The following NXPH2 variants were observed in gnomAD, a reference collection of about 807,000 sequenced individuals.
The protein encoded by NXPH2 is neurexophilin 2.
In NXPH2, 5 loss-of-function variants were observed where a neutral mutation model predicts 19.8. The observed-to-expected ratio is 0.25, with a 90% CI of 0.13 to 0.53. The LOEUF (loss-of-function observed/expected upper bound fraction) is 0.53, where lower values mean the gene tolerates loss of function less well. Ranked by LOEUF, NXPH2 falls within the 20% of genes least tolerant of loss-of-function variation. The pLI is 0.96. For missense variants in NXPH2, 289 were observed against 322.8 expected (o/e 0.90, Z 0.80); for synonymous variants, 154 against 127.4 (o/e 1.21, Z -1.41).
At chr2:138,727,819 G>A (rs1343476936) in intron 1 of NXPH2, among the ~76,000 whole-genome samples, 1 of 152,050 alleles carries the variant, frequency 6.6e-6, no homozygotes, top group Non-Finnish European at 1.5e-5. Flanking sequence ...ATAAATATGA[G>A]CCCACTTTAT....
Position 138,719,732 on chromosome 2 carries a change from T to A in NXPH2, c.52-48067A>T, listed in dbSNP as rs535522200. 1.8e-4 allele frequency among the ~76,000 whole-genome samples: 28 copies of A among 152,266 alleles called. No individual in the cohort carries two copies. In the East Asian group the frequency reaches 4.2e-3, roughly 23 times the overall value. On this transcript the variant is annotated intron_variant, in intron 1 of 1. Coordinates refer to ENST00000272641, the MANE Select transcript of NXPH2 (RefSeq NM_007226.3). ...CCCTCAAAAACCACAAAACTTTGAA[T>A]GTTTAAATATATTATTAAAATTAGT...
chr2:138,697,514 A>G (rs180877125), intron 1 of NXPH2, among the ~76,000 whole-genome samples: 30 of 152,190 alleles, frequency 2.0e-4, no homozygotes, highest in African/African-American at 7.0e-4. Flanking sequence ...AATAATGTGA[A>G]AAATAAAATA....
rs115254312 is a variant in NXPH2 at position 138,776,855 on chromosome 2, A to C, written c.51+3336T>G. Among the ~76,000 whole-genome samples the C allele has an allele frequency of 8.3e-3, 1,263 of 152,164 alleles. 11 individuals are homozygous for C. Among genetic ancestry groups the C allele is most frequent in the Non-Finnish European group, 0.012 (788 of 67,900 alleles). Reference sequence around the variant, plus strand: ...TTAATGTAAGTACCCTTAATAAATTATGTGGTACTAAAAAGATGAACTTAA... The same window carrying C: ...TTAATGTAAGTACCCTTAATAAATTCTGTGGTACTAAAAAGATGAACTTAA... On this transcript the variant is annotated intron_variant, in intron 1 of 1. Transcript: ENST00000272641.
intron 1 of NXPH2, among the ~76,000 whole-genome samples, chr2:138,743,240 G>A (rs537018823): frequency 6.1e-5 from 9 of 147,798 alleles, no homozygotes; most frequent in East Asian, 3.9e-4. Context: ...ACAGTCACCC[G>A]GGTGGGATCC....
At chr2:138,763,547 G>T (rs1048842735) in intron 1 of NXPH2, among the ~76,000 whole-genome samples, 1 of 152,116 alleles carries the variant, frequency 6.6e-6, no homozygotes, top group East Asian at 1.9e-4. Context: ...GGCAAACAAT[G>T]GAATCAACCA....
At chr2:138,688,315 C>A (rs562391983) in intron 1 of NXPH2, among the ~76,000 whole-genome samples, 1 of 152,272 alleles carries the variant, frequency 6.6e-6, no homozygotes, top group African/African-American at 2.4e-5. Context: ...TCCTGAATAG[C>A]TGGGATTACA....
intron 1 of NXPH2, among the ~76,000 whole-genome samples, chr2:138,692,870 T>C (rs1204929967): frequency 1.3e-5 from 2 of 152,198 alleles, no homozygotes; most frequent in Non-Finnish European, 2.9e-5. Context: ...TCTTATACTC[T>C]GTCTCGAAAT....
At chr2:138,720,697 C>A (rs1433662994) in intron 1 of NXPH2, among the ~76,000 whole-genome samples, 1 of 152,212 alleles carries the variant, frequency 6.6e-6, no homozygotes, top group Non-Finnish European at 1.5e-5. Context: ...TCCACACGCA[C>A]TGGCGCTGTG....
intron 1 of NXPH2, among the ~76,000 whole-genome samples, chr2:138,731,660 T>A (rs973410470): frequency 6.6e-6 from 1 of 152,092 alleles, no homozygotes; most frequent in African/African-American, 2.4e-5. Context: ...CAAACTGGGA[T>A]AGATCTTCTA....
At chr2:138,716,192 G>C (rs1404839469) in intron 1 of NXPH2, among the ~76,000 whole-genome samples, 1 of 152,054 alleles carries the variant, frequency 6.6e-6, no homozygotes, top group Non-Finnish European at 1.5e-5. Flanking sequence ...GCAACATTAT[G>C]TTGCATTATC....
At chr2:138,726,617 T>G (rs928307766) in intron 1 of NXPH2, among the ~76,000 whole-genome samples, 2 of 151,848 alleles carry the variant, frequency 1.3e-5, no homozygotes, top group Non-Finnish European at 2.9e-5. Flanking sequence ...GATGTGTGTG[T>G]TTTTTTTAAA....
chr2:138,774,401 AC>A (rs1156239898), intron 1 of NXPH2, among the ~76,000 whole-genome samples: 1 of 152,212 alleles, frequency 6.6e-6, no homozygotes, highest in Non-Finnish European at 1.5e-5. Context: ...CTAAGTATAT[AC>A]ATCACTTGTG....
At chr2:138,684,956 A>G (rs1021643712) in intron 1 of NXPH2, among the ~76,000 whole-genome samples, 23 of 152,206 alleles carry the variant, frequency 1.5e-4, no homozygotes, top group African/African-American at 5.5e-4. Flanking sequence ...AGGGCTTTCC[A>G]CACATCTTCA....
At chr2:138,680,629 A>G (rs1362452555) in intron 1 of NXPH2, among the ~76,000 whole-genome samples, 2 of 152,194 alleles carry the variant, frequency 1.3e-5, no homozygotes, top group Non-Finnish European at 2.9e-5. Context: ...ACATCTCGGT[A>G]TATCAGAAGG....
In NXPH2 at chr2:138,694,002, C is replaced by T. The variant is rs189832114; in HGVS notation, c.52-22337G>A. On this transcript the variant is annotated intron_variant, in intron 1 of 1. Coordinates refer to ENST00000272641, the MANE Select transcript of NXPH2 (RefSeq NM_007226.3). Reference sequence around the variant, plus strand: ...ACTTGGGTCATTTCTGGTAGATGCTCGTGTTAAAGAAAAATGAAACTTAAC... The same window carrying T: ...ACTTGGGTCATTTCTGGTAGATGCTTGTGTTAAAGAAAAATGAAACTTAAC... Among the ~76,000 whole-genome samples, 7 of 152,122 alleles carry T rather than the reference C, an allele frequency of 4.6e-5. No individual in the cohort carries two copies. The East Asian group carries it at 9.7e-4, about 21-fold the overall frequency.
chr2:138,773,727 G>C (rs1682213434), intron 1 of NXPH2, among the ~76,000 whole-genome samples: 1 of 152,042 alleles, frequency 6.6e-6, no homozygotes, highest in Non-Finnish European at 1.5e-5. Context: ...GCATATTCTT[G>C]CATGAAAAGA....
intron 1 of NXPH2, among the ~76,000 whole-genome samples, chr2:138,730,599 A>G (rs1200540491): frequency 1.3e-5 from 2 of 152,154 alleles, no homozygotes; most frequent in South Asian, 2.1e-4. Context: ...GACCATTTGT[A>G]TAGATGCTCA....
intron 1 of NXPH2, among the ~76,000 whole-genome samples, chr2:138,769,876 C>T (rs753294443): frequency 2.6e-5 from 4 of 152,110 alleles, no homozygotes; most frequent in Non-Finnish European, 5.9e-5. Context: ...CCCTAGCTAC[C>T]ATTCTTACAA....
intron 1 of NXPH2, among the ~76,000 whole-genome samples, chr2:138,774,939 A>C (rs978651395): frequency 3.9e-5 from 6 of 152,224 alleles, no homozygotes; most frequent in Non-Finnish European, 5.9e-5. Context: ...TAATTGTGTG[A>C]AAGAAACTTA....
Sources: allele counts gnomAD v4.1 joint callset (sites outside exome capture counted in the v4.1 genomes callset), GRCh38; gene constraint gnomAD v4.1.1; transcripts MANE v1.5; gene names NCBI Gene and HGNC (gene_info 2026-07-23, HGNC 2026-07-21).